Variants in PTP4A2 observed in about 807,000 individuals in gnomAD.
PTP4A2 encodes protein tyrosine phosphatase 4A2, also known as protein tyrosine phosphatase type IVA 2.
Under a neutral mutation model 22.9 loss-of-function variants are expected in PTP4A2, and 2 were observed. The ratio of observed to expected loss-of-function variants is 0.09; its 90% CI spans 0.04 to 0.27. PTP4A2 has a LOEUF of 0.27. Ranked by LOEUF, PTP4A2 falls within the 10% of genes least tolerant of loss-of-function variation. The probability of loss-of-function intolerance (pLI) is 1.00; values close to 1 mark genes in which losing one functional copy is unlikely to be tolerated. For missense variants in PTP4A2, 103 were observed against 205.1 expected (o/e 0.50, Z 3.04); for synonymous variants, 68 against 69.1 (o/e 0.98, Z 0.08).
chr1:31,921,243 A>T (rs1652140306), intron 1 of PTP4A2: 1 of 152,230 alleles, frequency 6.6e-6, no homozygotes, highest in Non-Finnish European at 1.5e-5. Context: ...CAGAAAAATG[A>T]AGTGACTTGC....
chr1:31,913,117 C>A, intron 3 of PTP4A2: 1 of 406,298 alleles, frequency 2.5e-6, no homozygotes, highest in Non-Finnish European at 4.9e-6. Context: ...ACATCTGAAC[C>A]TCAAATTGAT....
chr1:31,914,535 A>G, intron 3 of PTP4A2: 1 of 234,164 alleles, frequency 4.3e-6, no homozygotes, highest in South Asian at 4.2e-5. Flanking sequence ...AGACTACAGA[A>G]CTACCTCTCA....
intron 1 of PTP4A2, among the ~76,000 whole-genome samples, chr1:31,923,308 G>A (rs1652282487): frequency 6.8e-6 from 1 of 147,088 alleles, no homozygotes; most frequent in African/African-American, 2.5e-5. Context: ...CTGGGCACAA[G>A]TGATCCTTCT....
Position 31,907,918 on chromosome 1 carries a change from T to A in PTP4A2, c.*934A>T, listed in dbSNP as rs192082197. 6.6e-6 allele frequency: 1 copy of A among 150,976 alleles called. No homozygotes were observed. Among genetic ancestry groups the A allele is most frequent in the South Asian group, 2.1e-4 (1 of 4,786 alleles). 9.4% of individuals were successfully genotyped at this position (150,976 alleles called of 1,614,324 possible). ...TTTCTGGGATAACCACTTAGCTTCA[T>A]TGGTTAGGGAAGAGAAGAATTCGAC... On this transcript the variant is annotated 3_prime_UTR_variant, in exon 6 of 6. Coordinates refer to ENST00000647444, the MANE Select transcript of PTP4A2 (RefSeq NM_080391.4).
At chr1:31,928,888 T>C (rs1320856546) in intron 1 of PTP4A2, among the ~76,000 whole-genome samples, 2 of 152,054 alleles carry the variant, frequency 1.3e-5, no homozygotes, top group Non-Finnish European at 2.9e-5. Flanking sequence ...AGAAGATACA[T>C]GGCCAGCCAC....
Position 31,919,623 on chromosome 1 carries a change from C to T in PTP4A2, c.-558G>A, listed in dbSNP as rs1285238692. On this transcript the variant is annotated 5_prime_UTR_variant, in exon 2 of 6. Coordinates refer to ENST00000647444, the MANE Select transcript of PTP4A2 (RefSeq NM_080391.4). ...AGAAGTCTGCCCTCACACTCAGAAT[C>T]GCCATAAATGTGCAACGTATATTCC... is the stretch of plus-strand genomic sequence containing the variant. 1 of 152,448 alleles carries T rather than the reference C, an allele frequency of 6.6e-6. No homozygotes were observed. Among genetic ancestry groups the T allele is most frequent in the Non-Finnish European group, 1.5e-5 (1 of 68,036 alleles). The allele number at this position is 152,448 out of a possible 1,614,324, so 9.4% of individuals were successfully genotyped here. A position where few individuals can be genotyped will look rare whatever the true frequency, so the allele number is the denominator to read the frequency against.
intron 3 of PTP4A2, among the ~76,000 whole-genome samples, chr1:31,912,631 G>C (rs554057741): frequency 2.6e-5 from 4 of 152,150 alleles, no homozygotes; most frequent in African/African-American, 9.7e-5. Flanking sequence ...AACACAAATG[G>C]GGAGTGGAGG....
At position 31,918,962 on chromosome 1, in the gene PTP4A2, A is replaced by G. The variant is rs1186256320; in HGVS notation, c.96+8T>C. 2.7e-6 allele frequency: 4 copies of G among 1,505,130 alleles called. No individual in the cohort carries two copies. Among genetic ancestry groups the G allele is most frequent in the African/African-American group, 2.8e-5 (2 of 72,554 alleles). The allele number at this position is 1,505,130 out of a possible 1,614,324, so 93.2% of individuals were successfully genotyped here. On this transcript the variant is annotated splice_region_variant and intron_variant, in intron 2 of 5. Transcript: ENST00000647444. ...CAATCCAAAAAGTAGACCATGCCACAATCTTACCTCTGTGAACTTGTTGAG... is the reference window on the plus strand; with the variant it reads ...CAATCCAAAAAGTAGACCATGCCACGATCTTACCTCTGTGAACTTGTTGAG...
At position 31,907,375 on chromosome 1, in the gene PTP4A2, G is replaced by C. The variant is rs1441147829; in HGVS notation, c.*1477C>G. The C allele has an allele frequency of 6.6e-6, 1 of 152,112 alleles. No homozygotes were observed. Among genetic ancestry groups the C allele is most frequent in the African/African-American group, 2.4e-5 (1 of 41,408 alleles). 9.4% of individuals were successfully genotyped at this position (152,112 alleles called of 1,614,324 possible). ...CCTGATCATAACTGCCTTCCACAAA[G>C]GAGCAGAAAAACAGCTTTTCTAGAT... On this transcript the variant is annotated 3_prime_UTR_variant, in exon 6 of 6. Coordinates refer to ENST00000647444, the MANE Select transcript of PTP4A2 (RefSeq NM_080391.4).
intron 3 of PTP4A2, 43 bp from the exon 4 acceptor site, chr1:31,911,869 A>G: frequency 6.7e-7 from 1 of 1,482,866 alleles, no homozygotes; most frequent in Non-Finnish European, 9.1e-7. Flanking sequence ...TATTTTCTCC[A>G]TGATTAACAT....
intron 1 of PTP4A2, among the ~76,000 whole-genome samples, chr1:31,936,664 T>C (rs1313480316): frequency 1.3e-5 from 2 of 152,232 alleles, no homozygotes; most frequent in East Asian, 1.9e-4. Context: ...CCATTCATTA[T>C]GAAACTTAAA....
intron 3 of PTP4A2, 144 bp downstream of exon 3, chr1:31,915,751 G>A: frequency 1.7e-6 from 1 of 585,336 alleles, no homozygotes; most frequent in South Asian, 2.3e-5. Context: ...CATTGCCCAG[G>A]CTGGTCTTGA....
At chr1:31,921,026 T>C (rs549614773) in intron 1 of PTP4A2, among the ~76,000 whole-genome samples, 30 of 152,338 alleles carry the variant, frequency 2.0e-4, no homozygotes, top group Non-Finnish European at 3.7e-4. Context: ...ATGATGAGAC[T>C]AACTCATAAG....
At chr1:31,935,172 C>G (rs546926904) in intron 1 of PTP4A2, among the ~76,000 whole-genome samples, 1 of 152,324 alleles carries the variant, frequency 6.6e-6, no homozygotes, top group Non-Finnish European at 1.5e-5. Context: ...ATATACTCTC[C>G]TCTTTTTCCA....
At chr1:31,919,776 T>G (rs1569607214) in intron 1 of PTP4A2, 118 bp from the exon 2 acceptor site, 1 of 152,306 alleles carries the variant, frequency 6.6e-6, no homozygotes. Flanking sequence ...TCACCAATTA[T>G]ACGTTATTAC....
intron 1 of PTP4A2, among the ~76,000 whole-genome samples, chr1:31,923,720 G>A (rs1351964729): frequency 2.0e-5 from 3 of 152,208 alleles, no homozygotes; most frequent in African/African-American, 7.2e-5. Context: ...AGAGACGGGG[G>A]CCTTGCTATG....
intron 2 of PTP4A2, among the ~76,000 whole-genome samples, chr1:31,917,708 G>A (rs1201523838): frequency 6.6e-6 from 1 of 152,186 alleles, no homozygotes; most frequent in African/African-American, 2.4e-5. Context: ...AGGCACAGTG[G>A]CTCACGCCTG....
At chr1:31,913,553 T>C (rs1278000209) in intron 3 of PTP4A2, among the ~76,000 whole-genome samples, 1 of 152,184 alleles carries the variant, frequency 6.6e-6, no homozygotes, top group Non-Finnish European at 1.5e-5. Context: ...TGTTCCCTTT[T>C]CACCACATCC....
intron 3 of PTP4A2, chr1:31,914,097 G>A (rs1165669340): frequency 2.7e-6 from 1 of 377,246 alleles, no homozygotes; most frequent in African/African-American, 2.1e-5. Flanking sequence ...GACTGACAAG[G>A]TCTCTGTCAC....
Sources: gnomAD v4.1 joint callset for allele counts (sites outside exome capture counted in the v4.1 genomes callset) on GRCh38, gnomAD v4.1.1 for gene constraint, MANE v1.5 for transcripts, NCBI Gene and HGNC (gene_info 2026-07-23, HGNC 2026-07-21) for gene names.